Variants in UIMC1 observed in about 807,000 individuals in gnomAD.
UIMC1 encodes the protein ubiquitin interaction motif containing 1.
Under a neutral mutation model 84.9 loss-of-function variants are expected in UIMC1, and 42 were observed. The ratio of observed to expected loss-of-function variants is 0.49; its 90% confidence interval spans 0.39 to 0.64. The LOEUF (loss-of-function observed/expected upper bound fraction) is 0.64. Ranked by LOEUF, UIMC1 falls within the 30% of genes least tolerant of loss-of-function variation. UIMC1 has a pLI of 0.00. For synonymous variants in UIMC1, 281 were observed against 293.0 expected (o/e 0.96, Z 0.42); for missense variants, 825 against 847.6 (o/e 0.97, Z 0.33).
chr5:176,991,880 C>T (rs2149522669), intron 1 of UIMC1, among the ~76,000 whole-genome samples: 1 of 151,962 alleles, frequency 6.6e-6, no homozygotes, highest in East Asian at 1.9e-4. Context: ...TGCAGTGAGC[C>T]GAGATTGTGT....
chr5:176,970,408 C>T (rs1464946032), intron 4 of UIMC1: 1 of 321,860 alleles, frequency 3.1e-6, no homozygotes, highest in African/African-American at 2.1e-5. Context: ...TGCTCTCCCA[C>T]AATACTAGAG....
chr5:176,969,316 G>A, intron 5 of UIMC1, 25 bp from the exon 6 acceptor site: 1 of 1,570,526 alleles, frequency 6.4e-7, no homozygotes, highest in Non-Finnish European at 8.6e-7. Context: ...GAAAAAGTAG[G>A]GCTAAGGACA....
At chr5:176,990,331 G>A (rs1772643584) in intron 1 of UIMC1, among the ~76,000 whole-genome samples, 1 of 152,072 alleles carries the variant, frequency 6.6e-6, no homozygotes, top group Admixed American at 6.6e-5. Context: ...GACACAGCAA[G>A]AAGGTCCCAT....
intron 12 of UIMC1, among the ~76,000 whole-genome samples, chr5:176,907,738 G>A (rs1157737635): frequency 2.0e-5 from 3 of 152,190 alleles, no homozygotes; most frequent in South Asian, 4.1e-4. Flanking sequence ...TAAGGAGTTC[G>A]ACAGAGTTGA....
chr5:176,975,305 C>G (rs1769888342), intron 3 of UIMC1, 91 bp downstream of exon 3: 1 of 1,277,766 alleles, frequency 7.8e-7, no homozygotes, highest in Non-Finnish European at 1.1e-6. Flanking sequence ...TATCAGAGAC[C>G]TAAGAATGCA....
chr5:176,947,645 C>G (rs1395651944), intron 9 of UIMC1, among the ~76,000 whole-genome samples: 5 of 151,784 alleles, frequency 3.3e-5, no homozygotes, highest in Non-Finnish European at 7.4e-5. Context: ...GGTGAAACCC[C>G]ATCTCTACTA....
intron 1 of UIMC1, among the ~76,000 whole-genome samples, chr5:176,993,733 C>T (rs982939619): frequency 5.9e-5 from 9 of 151,932 alleles, no homozygotes; most frequent in Non-Finnish European, 1.2e-4. Context: ...ATCTGCCAGG[C>T]GCGGTGGCTC....
Position 176,918,895 on chromosome 5 carries a change from CACAT to C in UIMC1, c.1598-7510_1598-7507del, listed in dbSNP as rs902742199. ...CTGCTGAATGTGACAGGAACAAAAACACATACAACGTGCTGACTGGCCTCACTTT... is the reference window on the plus strand; with the variant it reads ...CTGCTGAATGTGACAGGAACAAAAACACAACGTGCTGACTGGCCTCACTTT... On this transcript the variant is annotated intron_variant, in intron 10 of 14. Coordinates refer to ENST00000511320, the MANE Select transcript of UIMC1 (RefSeq NM_001199298.2). 4.6e-5 allele frequency among the ~76,000 whole-genome samples: 7 copies of C among 152,292 alleles called. 2 individuals are homozygous for C. Among genetic ancestry groups the C allele is most frequent in the African/African-American group, 1.7e-4 (7 of 41,572 alleles).
chr5:176,908,601 T>G lies in UIMC1; in HGVS notation c.1770A>C (p.Gln590His). Reference sequence around the variant, plus strand: ...TTCCACTCCCTTCAGGTCCATCTCCTTGGTCAGCCTTTGCAAGCTGGAGAC... The same window carrying G: ...TTCCACTCCCTTCAGGTCCATCTCCGTGGTCAGCCTTTGCAAGCTGGAGAC... ...DSCLQLAKAD[Q>H]GDGPEGSGRA... Residue 590 changes from glutamine to histidine, a missense_variant, in exon 12 of 15, where the codon CAA becomes CAC. Physicochemically the swap from Gln to His is conservative, Grantham distance 24. Transcript: ENST00000511320. 1 of 1,614,160 alleles carries G rather than the reference T, an allele frequency of 6.2e-7. No homozygotes were observed. Among genetic ancestry groups the G allele is most frequent in the Non-Finnish European group, 8.5e-7 (1 of 1,180,000 alleles).
chr5:177,011,591 T>C (rs763776238), upstream of UIMC1, among the ~76,000 whole-genome samples: 10 of 135,638 alleles, frequency 7.4e-5, no homozygotes, highest in Non-Finnish European at 1.4e-4. Context: ...TTTAAAAAAG[T>C]AATAATAATA....
intron 10 of UIMC1, among the ~76,000 whole-genome samples, chr5:176,921,881 G>T (rs547906961): frequency 5.3e-5 from 8 of 152,134 alleles, no homozygotes; most frequent in African/African-American, 1.9e-4. Context: ...TATTTGGAAT[G>T]AAGTACAAAA....
At chr5:176,944,810 T>G (rs929122669) in intron 9 of UIMC1, among the ~76,000 whole-genome samples, 1 of 152,196 alleles carries the variant, frequency 6.6e-6, no homozygotes, top group Non-Finnish European at 1.5e-5. Flanking sequence ...ATCACCTGCC[T>G]TTTATTAAAA....
At chr5:176,970,976 T>A in intron 3 of UIMC1, 110 bp from the exon 4 acceptor site, 1 of 1,353,914 alleles carries the variant, frequency 7.4e-7, no homozygotes. Context: ...ACCAGACCAC[T>A]TAGTACAATT....
At chr5:177,001,951 CAAAAA>C in intron 1 of UIMC1, 1 of 61,242 alleles carries the variant, frequency 1.6e-5, no homozygotes, top group Non-Finnish European at 3.1e-5. Context: ...CTCTGTTTCC[CAAAAA>C]AAAAAAAAAA....
chr5:176,986,451 T>C (rs770522882), intron 1 of UIMC1, among the ~76,000 whole-genome samples: 4 of 146,054 alleles, frequency 2.7e-5, no homozygotes, highest in Non-Finnish European at 6.0e-5. Context: ...GGAGGATAGC[T>C]TGAGTGTGTT....
At chr5:176,992,867 CA>C (rs1453849500) in intron 1 of UIMC1, among the ~76,000 whole-genome samples, 5 of 151,980 alleles carry the variant, frequency 3.3e-5, no homozygotes, top group Non-Finnish European at 7.4e-5. Context: ...ATTTATCTTG[CA>C]AAAGACTTGT....
intron 1 of UIMC1, among the ~76,000 whole-genome samples, chr5:177,003,186 G>T (rs567579825): frequency 6.6e-6 from 1 of 152,014 alleles, no homozygotes; most frequent in African/African-American, 2.4e-5. Context: ...TTAAAAAATA[G>T]GTAAATGCAT....
At chr5:176,907,783 T>C (rs1205946351) in intron 12 of UIMC1, among the ~76,000 whole-genome samples, 1 of 152,194 alleles carries the variant, frequency 6.6e-6, no homozygotes, top group African/African-American at 2.4e-5. Flanking sequence ...GATTATAAAT[T>C]GGATATCCTT....
chr5:176,915,936 G>A (rs533470961), intron 10 of UIMC1, among the ~76,000 whole-genome samples: 2 of 152,302 alleles, frequency 1.3e-5, no homozygotes, highest in Non-Finnish European at 2.9e-5. Flanking sequence ...AAAGTGGTAA[G>A]TGGTAAATAA....
Sources: allele counts gnomAD v4.1 joint callset (sites outside exome capture counted in the v4.1 genomes callset), GRCh38; gene constraint gnomAD v4.1.1; transcripts MANE v1.5; gene names NCBI Gene and HGNC (gene_info 2026-07-23, HGNC 2026-07-21).